The following ISM2 variants were observed in gnomAD, a reference collection of about 807,000 sequenced individuals.
The protein encoded by ISM2 is isthmin 2.
In ISM2, 50 loss-of-function variants were observed where a neutral mutation model predicts 58.0. That is an observed-to-expected ratio of 0.86 (90% CI 0.69 to 1.09). The LOEUF (loss-of-function observed/expected upper bound fraction) is 1.09, where lower values mean the gene tolerates loss of function less well. Among genes scored for constraint, ISM2 ranks in the 50% least tolerant of loss-of-function variants. ISM2 has a pLI of 0.00. For synonymous variants in ISM2, 303 were observed against 312.4 expected (o/e 0.97, Z 0.32); for missense variants, 723 against 745.0 (o/e 0.97, Z 0.34).
intron 1 of ISM2, among the ~76,000 whole-genome samples, chr14:77,488,434 C>A (rs2079181222): frequency 6.6e-6 from 1 of 152,170 alleles, no homozygotes; most frequent in Non-Finnish European, 1.5e-5. Flanking sequence ...GTGACAGTAA[C>A]CCCTTGTGGG....
rs140297186 is a variant in ISM2 at position 77,495,346 on chromosome 14, C to T, written c.141+3307G>A. 8.4e-4 allele frequency among the ~76,000 whole-genome samples: 128 copies of T among 152,212 alleles called. 1 individual carries two copies. The highest frequency in any genetic ancestry group is 2.9e-3 in the African/African-American group (122 of 41,532). On this transcript the variant is annotated intron_variant, in intron 1 of 6. Transcript: ENST00000342219. ...TTTGATGACTCTGCCAGGCTTTGTA[C>T]GGGAGCTGAGGATATGATTTTGGCT... is the stretch of plus-strand genomic sequence containing the variant.
At chr14:77,479,385 ATTTTTTT>A (rs1182524391) in intron 4 of ISM2, among the ~76,000 whole-genome samples, 2 of 118,718 alleles carry the variant, frequency 1.7e-5, no homozygotes, top group African/African-American at 6.7e-5. Context: ...TGCCTGGCTA[ATTTTTTT>A]TTTTTTTTTC....
intron 1 of ISM2, among the ~76,000 whole-genome samples, chr14:77,495,955 G>A (rs975527688): frequency 1.3e-5 from 2 of 152,128 alleles, no homozygotes; most frequent in Non-Finnish European, 2.9e-5. Context: ...GCTGACACCT[G>A]TAAGCCCAGT....
chr14:77,478,598 G>T lies in ISM2; in HGVS notation c.1091C>A (p.Thr364Asn). 6.2e-7 allele frequency: 1 copy of T among 1,613,586 alleles called. No homozygotes were observed. The highest frequency in any genetic ancestry group is 8.5e-7 in the Non-Finnish European group (1 of 1,179,676). Reference sequence around the variant, plus strand: ...ACCAGGACAGGAGGGCAGGTCACAGGTACGGGTCTCGGTGGCAGTGCAGCC... The same window carrying T: ...ACCAGGACAGGAGGGCAGGTCACAGTTACGGGTCTCGGTGGCAGTGCAGCC... ...GYGCTATETR[T>N]CDLPSCPGTE... The change falls in exon 5 of 7, where the codon ACC becomes AAC. Residue 364 changes from threonine (T) to asparagine (N), a missense_variant. Physicochemically the swap from Thr to Asn is moderately conservative, Grantham distance 65. Transcript: ENST00000342219.
chr14:77,496,904 A>G (rs1319850742), intron 1 of ISM2, among the ~76,000 whole-genome samples: 1 of 151,688 alleles, frequency 6.6e-6, no homozygotes, highest in African/African-American at 2.4e-5. Flanking sequence ...AAAGGTAGCA[A>G]AACTGGTCTA....
chr14:77,479,423 G>A (rs1443265817), intron 4 of ISM2, among the ~76,000 whole-genome samples: 1 of 141,790 alleles, frequency 7.1e-6, no homozygotes, highest in Non-Finnish European at 1.5e-5. Flanking sequence ...TTGCTCTGTC[G>A]CCCAGGCTGG....
At chr14:77,483,643 C>CGTGTGTGTGTGTGTGT (rs148280012) in intron 3 of ISM2, among the ~76,000 whole-genome samples, 1 of 149,268 alleles carries the variant, frequency 6.7e-6, no homozygotes, top group African/African-American at 2.5e-5. Flanking sequence ...TGCGTGTGTG[C>CGTGTGTGTGTGTGTGT]GTGTGTGTGT....
At position 77,496,799 on chromosome 14, in the gene ISM2, GAAAAAAAAAAAAAAAAAAAAA is replaced by G. The variant is rs772342344; in HGVS notation, c.141+1833_141+1853del. Among the ~76,000 whole-genome samples, 8 of 25,790 alleles carry G rather than the reference GAAAAAAAAAAAAAAAAAAAAA, an allele frequency of 3.1e-4. No homozygotes were observed. In the East Asian group the frequency reaches 0.014, roughly 46 times the overall value. 16.9% of individuals were successfully genotyped at this position (25,790 alleles called of 152,430 possible). On this transcript the variant is annotated intron_variant, in intron 1 of 6. Transcript: ENST00000342219. ...GTGACAGAGTGAGACTCCATCTCAGGAAAAAAAAAAAAAAAAAAAAAAAAAAAAAAAAAAAAATTCATGGGG... is the reference window on the plus strand; with the variant it reads ...GTGACAGAGTGAGACTCCATCTCAGGAAAAAAAAAAAAAAAATTCATGGGG...
chr14:77,483,326 G>A (rs926467412), intron 3 of ISM2, among the ~76,000 whole-genome samples: 8 of 152,108 alleles, frequency 5.3e-5, no homozygotes, highest in South Asian at 2.1e-4. Context: ...TTGGGAGGCC[G>A]AGGTGGGCAG....
At chr14:77,480,249 GCACTCCAGCCACAGCCACTGTGTCT>G (rs1184552879) in intron 4 of ISM2, among the ~76,000 whole-genome samples, 1 of 150,762 alleles carries the variant, frequency 6.6e-6, no homozygotes, top group Non-Finnish European at 1.5e-5. Flanking sequence ...TCATGCTACT[GCACTCCAGCCACAGCCACTGTGTCT>G]CACTCCAGAC....
Position 77,489,332 on chromosome 14 carries a change from T to C in ISM2, c.142-4413A>G, listed in dbSNP as rs11851961. 3.8e-3 allele frequency among the ~76,000 whole-genome samples: 581 copies of C among 152,314 alleles called. 2 individuals carry two copies. Among genetic ancestry groups the C allele is most frequent in the African/African-American group, 0.013 (548 of 41,564 alleles). On this transcript the variant is annotated intron_variant, in intron 1 of 6. Coordinates refer to ENST00000342219, the MANE Select transcript of ISM2 (RefSeq NM_199296.3). ...CAGAGCCAGGCTGCACACTAAGTCA[T>C]GCTGGTGGGAGGTGCTGGAGACCCA...
chr14:77,489,906 C>T (rs536621177), intron 1 of ISM2, among the ~76,000 whole-genome samples: 3 of 152,352 alleles, frequency 2.0e-5, no homozygotes, highest in Non-Finnish European at 4.4e-5. Context: ...CTCTGTCGCC[C>T]AGGCTGGAGT....
chr14:77,482,669 T>C lies in ISM2; in HGVS notation c.628-2A>G, dbSNP rs1340507450. On this transcript the variant is annotated splice_acceptor_variant, in intron 3 of 6. Transcript: ENST00000342219. LOFTEE classifies it high-confidence loss of function. ...GTCCTCCACCACCTTGATGGTCACCTGCAGGAGACAGGCCAGGCCGGCCAG... is the reference window on the plus strand; with the variant it reads ...GTCCTCCACCACCTTGATGGTCACCCGCAGGAGACAGGCCAGGCCGGCCAG... The C allele has an allele frequency of 6.5e-7, 1 of 1,530,744 alleles. No homozygotes were observed. Among genetic ancestry groups the C allele is most frequent in the South Asian group, 1.3e-5 (1 of 77,772 alleles). The allele number at this position is 1,530,744 out of a possible 1,614,324, so 94.8% of individuals were successfully genotyped here. A position where few individuals can be genotyped will look rare whatever the true frequency, so the allele number is the denominator to read the frequency against.
intron 3 of ISM2, 59 bp downstream of exon 3, chr14:77,484,264 T>C (rs1227172943): frequency 1.3e-6 from 2 of 1,577,410 alleles, no homozygotes; most frequent in African/African-American, 1.3e-5. Context: ...GAGCCCACCT[T>C]GTCAGCCCCG....
rs556504033 is a variant in ISM2 at position 77,478,673 on chromosome 14, C to T, written c.1016G>A (p.Ser339Asn). ...CTGCTTGCCAGTGCTGCAGTTCCCA[C>T]TGCAGGGAGACCAGGGACTCCACTC... ...QKEWSPWSPC[S>N]GNCSTGKQQR... The change falls in exon 5 of 7, where the codon AGT becomes AAT. Residue 339 changes from serine to asparagine, a missense_variant. By Grantham distance (46) the Ser-to-Asn change is conservative (BLOSUM62 1). Transcript: ENST00000342219. 3 of 1,613,734 alleles carry T rather than the reference C, an allele frequency of 1.9e-6. No individual in the cohort carries two copies. The highest frequency in any genetic ancestry group is 4.5e-5 in the East Asian group (2 of 44,860).
rs34339320 is a variant in ISM2, at chr14:77,480,302, C to CA, written c.974-1588dup. Among the ~76,000 whole-genome samples the CA allele has an allele frequency of 8.4e-3, 1,037 of 123,376 alleles. 9 individuals are homozygous for CA. The highest frequency in any genetic ancestry group is 0.013 in the African/African-American group (414 of 32,442). The allele number at this position is 123,376 out of a possible 152,430, so 80.9% of individuals were successfully genotyped here. On this transcript the variant is annotated intron_variant, in intron 4 of 6. Transcript: ENST00000342219. ...CTCCAGACACAGTGAGACACTGTCT[C>CA]AAAAAAAAAAAAAAAAGAATTTCCC...
At chr14:77,484,998 T>C (rs1639168954) in intron 1 of ISM2, 79 bp from the exon 2 acceptor site, 1 of 1,458,102 alleles carries the variant, frequency 6.9e-7, no homozygotes, top group African/African-American at 1.4e-5. Context: ...GCCAGGCAGA[T>C]CCAGGAGCCC....
intron 3 of ISM2, chr14:77,484,012 C>T (rs1218257812): frequency 4.1e-6 from 1 of 244,822 alleles, no homozygotes; most frequent in East Asian, 9.7e-5. Flanking sequence ...TCCCTTGTAG[C>T]CTACAAAGCA....
chr14:77,478,355 G>A (rs373451359), intron 5 of ISM2, 30 bp from the exon 6 acceptor site: 3 of 1,587,054 alleles, frequency 1.9e-6, no homozygotes, highest in Admixed American at 1.7e-5. Flanking sequence ...CAGGCTGGTG[G>A]CTCCGCAGGC....
Sources: gnomAD v4.1 joint callset for allele counts (sites outside exome capture counted in the v4.1 genomes callset) on GRCh38, gnomAD v4.1.1 for gene constraint, MANE v1.5 for transcripts, NCBI Gene and HGNC (gene_info 2026-07-23, HGNC 2026-07-21) for gene names.